MATN2: variants seen among roughly 807,000 people sequenced by gnomAD.
MATN2 encodes matrilin 2.
MATN2 carries 69 observed loss-of-function variants against 103.2 expected under a neutral mutation model. That is an observed-to-expected ratio of 0.67 (90% CI 0.55 to 0.82). The LOEUF is 0.82. Among genes scored for constraint, MATN2 ranks in the 40% least tolerant of loss-of-function variants. The pLI is 0.00. For synonymous variants in MATN2, 429 were observed against 450.2 expected, an observed-to-expected ratio of 0.95 and a Z score of 0.60; for missense variants, 1,023 against 1,211.5, an observed-to-expected ratio of 0.84 and a Z score of 2.31.
intron 3 of MATN2, among the ~76,000 whole-genome samples, chr8:97,935,920 T>A (rs1188435555): frequency 6.6e-6 from 1 of 152,218 alleles, no homozygotes; most frequent in Admixed American, 6.5e-5. Context: ...CAGTGAGGAA[T>A]TGATTAGACT....
intron 5 of MATN2, among the ~76,000 whole-genome samples, chr8:97,962,079 T>C (rs1304956091): frequency 6.6e-6 from 1 of 152,182 alleles, no homozygotes; most frequent in African/African-American, 2.4e-5. Flanking sequence ...CAAGCCCAGG[T>C]AATGAGGCTC....
chr8:97,912,431 G>A (rs1809480420), intron 2 of MATN2, among the ~76,000 whole-genome samples: 1 of 152,070 alleles, frequency 6.6e-6, no homozygotes, highest in Admixed American at 6.5e-5. Context: ...TTGAAGCGCT[G>A]AGAGCGCTGA....
chr8:98,028,008 G>C (rs1813875091), intron 14 of MATN2, among the ~76,000 whole-genome samples, 179 bp downstream of exon 14: 1 of 152,106 alleles, frequency 6.6e-6, no homozygotes, highest in African/African-American at 2.4e-5. Flanking sequence ...GACCCCACAG[G>C]AGTTAAATAA....
chr8:97,963,311 A>G (rs1811373565), intron 5 of MATN2, among the ~76,000 whole-genome samples: 1 of 152,018 alleles, frequency 6.6e-6, no homozygotes, highest in South Asian at 2.1e-4. Flanking sequence ...CTGGTGGAGG[A>G]GCTTCAGGAA....
intron 4 of MATN2, among the ~76,000 whole-genome samples, chr8:97,945,717 A>AAAAAAAAAAAAT (rs59472539): frequency 1.6e-5 from 2 of 121,832 alleles, no homozygotes; most frequent in Non-Finnish European, 3.3e-5. Flanking sequence ...AAAAAAAAAA[A>AAAAAAAAAAAAT]ATATATATAT....
intron 2 of MATN2, among the ~76,000 whole-genome samples, chr8:97,911,893 G>T (rs193265118): frequency 1.2e-4 from 19 of 152,244 alleles, no homozygotes; most frequent in Non-Finnish European, 2.1e-4. Context: ...AGGCTTATTT[G>T]ACTCTTACTT....
At chr8:97,943,561 C>G (rs987007362) in intron 4 of MATN2, among the ~76,000 whole-genome samples, 3 of 152,040 alleles carry the variant, frequency 2.0e-5, no homozygotes, top group Admixed American at 1.3e-4. Context: ...GTACCCTCAA[C>G]CTTCCGGGTT....
At chr8:97,897,238 C>A (rs1818845076) in intron 2 of MATN2, among the ~76,000 whole-genome samples, 1 of 152,182 alleles carries the variant, frequency 6.6e-6, no homozygotes, top group Non-Finnish European at 1.5e-5. Context: ...GTAGAGAAAC[C>A]TACAAGGTTG....
intron 2 of MATN2, among the ~76,000 whole-genome samples, chr8:97,907,735 A>T (rs777711381): frequency 2.0e-5 from 3 of 152,170 alleles, no homozygotes; most frequent in Non-Finnish European, 4.4e-5. Context: ...GATAATAATG[A>T]TACCTCCCTC....
intron 8 of MATN2, among the ~76,000 whole-genome samples, chr8:98,006,391 G>C (rs1812970763): frequency 6.6e-6 from 1 of 152,116 alleles, no homozygotes; most frequent in African/African-American, 2.4e-5. Context: ...CTACTGTTCT[G>C]AGCGCTTTAC....
intron 2 of MATN2, among the ~76,000 whole-genome samples, chr8:97,888,541 A>G (rs7831897): frequency 0.84 from 127,677 of 152,128 alleles, 54,461 homozygotes; most frequent in Non-Finnish European, 0.93. Context: ...GACCTATCTG[A>G]GCAAAGGTGT....
intron 2 of MATN2, among the ~76,000 whole-genome samples, chr8:97,902,434 T>C (rs1336076878): frequency 6.9e-6 from 1 of 145,192 alleles, no homozygotes; most frequent in Non-Finnish European, 1.5e-5. Flanking sequence ...GAGGTGGAGG[T>C]TGCAGTGAGC....
chr8:97,966,340 G>C (rs935368738), intron 5 of MATN2, among the ~76,000 whole-genome samples: 1 of 151,994 alleles, frequency 6.6e-6, no homozygotes, highest in Non-Finnish European at 1.5e-5. Context: ...AGGATTGCTT[G>C]AGACCAGGAG....
Position 97,917,807 on chromosome 8 carries a change from G to A in MATN2, c.143-13146G>A, listed in dbSNP as rs183501197. On this transcript the variant is annotated intron_variant, in intron 2 of 18. Coordinates refer to ENST00000254898, the MANE Select transcript of MATN2 (RefSeq NM_002380.5). ...TATTCAGAAGTAGAATCTCTAGGCCGGGCATGGTGGCTCACACCTGTAATC... is the reference window on the plus strand; with the variant it reads ...TATTCAGAAGTAGAATCTCTAGGCCAGGCATGGTGGCTCACACCTGTAATC... Among the ~76,000 whole-genome samples the A allele has an allele frequency of 3.9e-5, 6 of 152,212 alleles. No homozygotes were observed. In the East Asian group the frequency reaches 7.7e-4, roughly 20 times the overall value.
intron 4 of MATN2, among the ~76,000 whole-genome samples, chr8:97,956,101 G>T (rs940616825): frequency 6.6e-6 from 1 of 152,204 alleles, no homozygotes; most frequent in South Asian, 2.1e-4. Context: ...GCAGTGTTAC[G>T]CCTCCGTGAC....
chr8:98,025,978 G>C (rs1032823693), intron 13 of MATN2, among the ~76,000 whole-genome samples: 4 of 150,874 alleles, frequency 2.7e-5, no homozygotes, highest in African/African-American at 9.7e-5. Context: ...AGGAGTTCAA[G>C]ACCAGCCTAG....
intron 5 of MATN2, among the ~76,000 whole-genome samples, chr8:97,976,359 T>A (rs1256371316): frequency 1.3e-5 from 2 of 152,214 alleles, no homozygotes; most frequent in East Asian, 3.8e-4. Context: ...TCCACCCTCC[T>A]CAGCCTCCCA....
rs144173639 is a variant in MATN2, at chr8:97,924,624, C to T, written c.143-6329C>T. On this transcript the variant is annotated intron_variant, in intron 2 of 18. Coordinates refer to ENST00000254898, the MANE Select transcript of MATN2 (RefSeq NM_002380.5). Reference sequence around the variant, plus strand: ...TTGACCGTACTGAACTCTCCGTAAGCGCTTGTCGAGGAGTAAGAATGGGAA... The same window carrying T: ...TTGACCGTACTGAACTCTCCGTAAGTGCTTGTCGAGGAGTAAGAATGGGAA... 4.8e-3 allele frequency among the ~76,000 whole-genome samples: 737 copies of T among 152,192 alleles called. 7 individuals are homozygous for T. Among genetic ancestry groups the T allele is most frequent in the African/African-American group, 0.017 (701 of 41,518 alleles).
chr8:97,936,011 G>A (rs553359016), intron 3 of MATN2, among the ~76,000 whole-genome samples: 22 of 152,150 alleles, frequency 1.4e-4, no homozygotes, highest in Non-Finnish European at 3.1e-4. Context: ...GCACAGTGGA[G>A]GCTTTATACT....
Sources: allele counts gnomAD v4.1 joint callset (sites outside exome capture counted in the v4.1 genomes callset), GRCh38; gene constraint gnomAD v4.1.1; transcripts MANE v1.5; gene names NCBI Gene and HGNC (gene_info 2026-07-23, HGNC 2026-07-21).